Variants in SHROOM3 observed in about 807,000 individuals in gnomAD.
SHROOM3 encodes protein Shroom3.
Under a neutral mutation model 138.6 loss-of-function variants are expected in SHROOM3, and 47 were observed. The observed-to-expected ratio is 0.34, with a 90% CI of 0.27 to 0.43. The LOEUF (loss-of-function observed/expected upper bound fraction) is 0.43, where lower values mean the gene tolerates loss of function less well. SHROOM3 is among the 20% of genes least tolerant of loss of function. The pLI is 1.00. For synonymous variants in SHROOM3, 1,062 were observed against 1,063.3 expected (o/e 1.00, Z 0.02); for missense variants, 2,491 against 2,596.5 (o/e 0.96, Z 0.88).
chr4:76,459,903 G>A (rs182262754), intron 1 of SHROOM3, among the ~76,000 whole-genome samples: 1 of 152,132 alleles, frequency 6.6e-6, no homozygotes, highest in East Asian at 1.9e-4. Flanking sequence ...GTTTTTCCTA[G>A]CCTCAGTTTC....
chr4:76,558,613 G>A (rs776568330), intron 2 of SHROOM3, among the ~76,000 whole-genome samples: 10 of 152,166 alleles, frequency 6.6e-5, no homozygotes, highest in Non-Finnish European at 1.2e-4. Flanking sequence ...GAATTTAGGA[G>A]TGTTAATTCA....
At chr4:76,573,284 C>G (rs909013545) in intron 2 of SHROOM3, among the ~76,000 whole-genome samples, 1 of 150,790 alleles carries the variant, frequency 6.6e-6, no homozygotes, top group Non-Finnish European at 1.5e-5. Context: ...AGTAGGTACC[C>G]AATTTTATCT....
chr4:76,561,686 TAAAAAA>T (rs549046211), intron 2 of SHROOM3, among the ~76,000 whole-genome samples: 1 of 89,400 alleles, frequency 1.1e-5, no homozygotes, highest in Non-Finnish European at 2.2e-5. Flanking sequence ...TCTGTGATGC[TAAAAAA>T]AAAAAAAAAA....
chr4:76,636,610 T>C (rs901836450), intron 2 of SHROOM3, among the ~76,000 whole-genome samples: 4 of 152,212 alleles, frequency 2.6e-5, no homozygotes, highest in Non-Finnish European at 4.4e-5. Flanking sequence ...TCACTATCTG[T>C]GTAGAATTTG....
chr4:76,677,777 G>C (rs977987994), intron 2 of SHROOM3, among the ~76,000 whole-genome samples: 2 of 152,206 alleles, frequency 1.3e-5, no homozygotes, highest in East Asian at 3.9e-4. Flanking sequence ...TTATCTTTTC[G>C]TTTCTAGGCA....
chr4:76,499,248 G>A (rs1450356521), intron 1 of SHROOM3, among the ~76,000 whole-genome samples: 1 of 152,200 alleles, frequency 6.6e-6, no homozygotes, highest in African/African-American at 2.4e-5. Context: ...CCTAGCTGCT[G>A]TGGCTATTGG....
chr4:76,742,011 C>G, intron 5 of SHROOM3, 85 bp downstream of exon 5: 1 of 1,504,412 alleles, frequency 6.6e-7, no homozygotes, highest in Non-Finnish European at 9.1e-7. Flanking sequence ...CCCACACTCT[C>G]ACCCGCTCTC....
At chr4:76,575,921 C>T (rs960524721) in intron 2 of SHROOM3, among the ~76,000 whole-genome samples, 17 of 152,078 alleles carry the variant, frequency 1.1e-4, no homozygotes, top group Non-Finnish European at 2.1e-4. Context: ...ATTAGAGAAA[C>T]GCAAATCTAA....
intron 1 of SHROOM3, among the ~76,000 whole-genome samples, chr4:76,528,003 C>T (rs1055278796): frequency 2.6e-5 from 4 of 152,176 alleles, no homozygotes; most frequent in Non-Finnish European, 5.9e-5. Flanking sequence ...CCTACTACTA[C>T]ATCTTCTTAA....
At chr4:76,646,248 A>ATATATATATATATATATATAT (rs1491297588) in intron 2 of SHROOM3, among the ~76,000 whole-genome samples, 19 of 140,920 alleles carry the variant, frequency 1.3e-4, no homozygotes, top group East Asian at 6.2e-4. Flanking sequence ...ATATATATAT[A>ATATATATATATATATATATAT]AAATTAAAAA....
At chr4:76,598,705 G>A (rs922242251) in intron 2 of SHROOM3, among the ~76,000 whole-genome samples, 3 of 152,212 alleles carry the variant, frequency 2.0e-5, no homozygotes, top group Admixed American at 6.5e-5. Flanking sequence ...AAGGGGCCAC[G>A]TGGGCAGGGG....
At chr4:76,696,293 TC>T (rs1719725738) in intron 2 of SHROOM3, among the ~76,000 whole-genome samples, 1 of 152,060 alleles carries the variant, frequency 6.6e-6, no homozygotes, top group Admixed American at 6.5e-5. Context: ...CTCTTCACCA[TC>T]GCCCCCAGCC....
chr4:76,757,514 G>A (rs753661388), intron 8 of SHROOM3, among the ~76,000 whole-genome samples: 1 of 152,194 alleles, frequency 6.6e-6, no homozygotes, highest in South Asian at 2.1e-4. Context: ...CGTGGCCAAC[G>A]TCTTGCCAAG....
At position 76,691,512 on chromosome 4, in the gene SHROOM3, G is replaced by A. The variant is rs184646295; in HGVS notation, c.324-18644G>A. ...AAGTTCTTCTTTTGGTAACAGATAC[G>A]TTAAATTATTCTTAGGAGTTACCAA... On this transcript the variant is annotated intron_variant, in intron 2 of 10. Transcript: ENST00000296043. Among the ~76,000 whole-genome samples, 99 of 152,246 alleles carry A rather than the reference G, an allele frequency of 6.5e-4. 1 individual carries two copies. Among genetic ancestry groups the A allele is most frequent in the African/African-American group, 2.3e-3 (94 of 41,548 alleles).
intron 2 of SHROOM3, among the ~76,000 whole-genome samples, chr4:76,584,615 A>C (rs567386460): frequency 1.3e-5 from 2 of 152,322 alleles, no homozygotes; most frequent in East Asian, 3.9e-4. Context: ...TGATAAACAA[A>C]CGTCAAACAT....
intron 1 of SHROOM3, among the ~76,000 whole-genome samples, chr4:76,524,759 G>A (rs1732654866): frequency 6.6e-6 from 1 of 152,124 alleles, no homozygotes. Context: ...AGCTTTTTAT[G>A]TTAGTTTATG....
In SHROOM3 at chr4:76,740,595, A is replaced by G; in HGVS notation, c.2422A>G (p.Asn808Asp). Residue 808 changes from asparagine to aspartate, a missense_variant, in exon 5 of 11, where the codon AAC becomes GAC. Around this residue, in one of 4 missense-constraint regions of SHROOM3, gnomAD observed 1,733 missense variants for 1,661.6 expected, o/e 1.04. Transcript: ENST00000296043. The surrounding 1 kb of genome is among the most constrained non-coding windows in gnomAD (Gnocchi z 4.0). The stretch of plus-strand genomic sequence containing the variant: ...TGTGGGCGGCTCTGGTTTTGGCCAT[A>G]ACTATAGGCCCCACAGGACCGTCTC... ...PSVGGSGFGH[N>D]YRPHRTVSTS... 1 of 1,614,096 alleles carries G rather than the reference A, an allele frequency of 6.2e-7. No individual in the cohort carries two copies. Among genetic ancestry groups the G allele is most frequent in the Non-Finnish European group, 8.5e-7 (1 of 1,179,988 alleles).
intron 2 of SHROOM3, among the ~76,000 whole-genome samples, chr4:76,642,975 G>A (rs546485533): frequency 6.6e-6 from 1 of 152,250 alleles, no homozygotes; most frequent in Admixed American, 6.5e-5. Context: ...GGGAGGCCGA[G>A]GCGGGCAGAT....
intron 1 of SHROOM3, among the ~76,000 whole-genome samples, chr4:76,447,566 G>A (rs1730839903): frequency 6.6e-6 from 1 of 152,132 alleles, no homozygotes; most frequent in South Asian, 2.1e-4. Context: ...GAATAGGAGA[G>A]TGTGCAAACT....
Sources: allele counts gnomAD v4.1 joint callset (sites outside exome capture counted in the v4.1 genomes callset), GRCh38; gene constraint gnomAD v4.1.1; regional missense constraint gnomAD v4.1.1; non-coding constraint Gnocchi (gnomAD v3.1); transcripts MANE v1.5; gene names NCBI Gene and HGNC (gene_info 2026-07-23, HGNC 2026-07-21).